Variants in TSPAN5 observed in about 807,000 individuals in gnomAD.
TSPAN5 encodes the protein tetraspanin 5.
TSPAN5 carries 10 observed loss-of-function variants against 37.1 expected under a neutral mutation model. The ratio of observed to expected loss-of-function variants is 0.27; its 90% confidence interval spans 0.17 to 0.46. The LOEUF (loss-of-function observed/expected upper bound fraction) is 0.46, where lower values mean the gene tolerates loss of function less well. TSPAN5 is among the 20% of genes least tolerant of loss of function. The probability of loss-of-function intolerance (pLI) is 1.00; values close to 1 mark genes in which losing one functional copy is unlikely to be tolerated. For missense variants in TSPAN5, 195 were observed against 326.6 expected (o/e 0.60, Z 3.11); for synonymous variants, 110 against 118.9 (o/e 0.93, Z 0.48).
At chr4:98,632,160 G>C (rs1052531519) in intron 1 of TSPAN5, among the ~76,000 whole-genome samples, 2 of 152,104 alleles carry the variant, frequency 1.3e-5, no homozygotes, top group Non-Finnish European at 2.9e-5. Context: ...CTGCCACCCT[G>C]TGTTCATTTT....
chr4:98,527,470 GTTC>G (rs1467938161), intron 1 of TSPAN5, among the ~76,000 whole-genome samples: 2 of 152,114 alleles, frequency 1.3e-5, no homozygotes, highest in Non-Finnish European at 2.9e-5. Context: ...TTCAGTGAAG[GTTC>G]TTATTTCTCA....
chr4:98,598,466 G>GC (rs1553916447), intron 1 of TSPAN5, among the ~76,000 whole-genome samples: 26 of 148,110 alleles, frequency 1.8e-4, no homozygotes, highest in Non-Finnish European at 2.8e-4. Flanking sequence ...CCTCCCTCCT[G>GC]TTTTTTTTTT....
chr4:98,599,752 C>G (rs971976551), intron 1 of TSPAN5, among the ~76,000 whole-genome samples: 1 of 152,180 alleles, frequency 6.6e-6, no homozygotes, highest in Non-Finnish European at 1.5e-5. Context: ...TTGTATGTAT[C>G]TGTAAATTTG....
intron 2 of TSPAN5, among the ~76,000 whole-genome samples, chr4:98,502,488 G>A (rs886149690): frequency 8.5e-5 from 13 of 152,276 alleles, no homozygotes; most frequent in Admixed American, 7.2e-4. Context: ...TGAGGAAAAC[G>A]TTTCTCGAAT....
intron 1 of TSPAN5, among the ~76,000 whole-genome samples, chr4:98,646,988 A>T (rs1757083655): frequency 6.6e-6 from 1 of 152,162 alleles, no homozygotes; most frequent in Non-Finnish European, 1.5e-5. Context: ...GATGAAGGGG[A>T]GACTTAACTG....
intron 1 of TSPAN5, among the ~76,000 whole-genome samples, chr4:98,635,585 T>C (rs1756838445): frequency 6.6e-6 from 1 of 152,190 alleles, no homozygotes; most frequent in Non-Finnish European, 1.5e-5. Flanking sequence ...GATTTATCCT[T>C]TAGAAGACAA....
intron 1 of TSPAN5, among the ~76,000 whole-genome samples, chr4:98,616,221 T>C (rs1417195471): frequency 1.3e-5 from 2 of 152,044 alleles, no homozygotes; most frequent in Non-Finnish European, 2.9e-5. Flanking sequence ...TGCTTCCCTC[T>C]TGGAGATTAA....
intron 1 of TSPAN5, among the ~76,000 whole-genome samples, chr4:98,551,574 C>A (rs1754618608): frequency 6.7e-6 from 1 of 149,340 alleles, no homozygotes; most frequent in Admixed American, 6.7e-5. Flanking sequence ...TCACTGCAAC[C>A]TCCGCCTCCC....
intron 2 of TSPAN5, among the ~76,000 whole-genome samples, chr4:98,499,651 C>T (rs938661689): frequency 1.3e-5 from 2 of 148,550 alleles, no homozygotes; most frequent in Admixed American, 1.4e-4. Context: ...TGTTTGGTTT[C>T]CAGCTCTTTT....
At chr4:98,509,161 G>A (rs184219324) in intron 1 of TSPAN5, among the ~76,000 whole-genome samples, 3 of 152,174 alleles carry the variant, frequency 2.0e-5, no homozygotes, top group Non-Finnish European at 4.4e-5. Flanking sequence ...GTTTCAGTGT[G>A]ATGGCAGCAC....
At chr4:98,498,453 C>T (rs1329933011) in intron 2 of TSPAN5, among the ~76,000 whole-genome samples, 1 of 152,144 alleles carries the variant, frequency 6.6e-6, no homozygotes, top group Non-Finnish European at 1.5e-5. Context: ...TCTGATTTCA[C>T]TGATCACTAT....
intron 1 of TSPAN5, among the ~76,000 whole-genome samples, chr4:98,590,567 A>G (rs10033777): frequency 0.16 from 24,841 of 151,956 alleles, 2,660 homozygotes; most frequent in African/African-American, 0.31. Context: ...AAAATTAGCC[A>G]GGTGTGGTGG....
chr4:98,513,683 T>A (rs17498778), intron 1 of TSPAN5, among the ~76,000 whole-genome samples: 31,794 of 152,074 alleles, frequency 0.21, 3,474 homozygotes, highest in South Asian at 0.24. Flanking sequence ...CAGGTGCCAA[T>A]TTCATAACTA....
At chr4:98,481,797 A>T (rs1338592560) in intron 4 of TSPAN5, among the ~76,000 whole-genome samples, 1 of 152,244 alleles carries the variant, frequency 6.6e-6, no homozygotes, top group African/African-American at 2.4e-5. Flanking sequence ...ACAGAAGTTG[A>T]AACAAGTGAA....
chr4:98,658,090 A>G, intron 1 of TSPAN5, 56 bp downstream of exon 1: 1 of 1,483,090 alleles, frequency 6.7e-7, no homozygotes, highest in South Asian at 1.1e-5. Flanking sequence ...CGTGGGGGAA[A>G]TCGTCGCGAA....
chr4:98,635,038 T>A (rs10034419), intron 1 of TSPAN5, among the ~76,000 whole-genome samples: 73,480 of 152,006 alleles, frequency 0.48, 17,891 homozygotes, highest in Admixed American at 0.56. Context: ...GAGGCTGCCA[T>A]TTATAACAGG....
chr4:98,500,940 T>G (rs1018277431), intron 2 of TSPAN5, among the ~76,000 whole-genome samples: 2 of 152,118 alleles, frequency 1.3e-5, no homozygotes, highest in African/African-American at 4.8e-5. Context: ...GAACATTCAA[T>G]TCACACTAAG....
At chr4:98,497,884 C>T (rs1054084263) in intron 2 of TSPAN5, among the ~76,000 whole-genome samples, 25 of 152,208 alleles carry the variant, frequency 1.6e-4, no homozygotes, top group Non-Finnish European at 2.2e-4. Context: ...CAGGATCTGG[C>T]CCAGTGGGGC....
At chr4:98,617,701 A>C (rs1236494754) in intron 1 of TSPAN5, among the ~76,000 whole-genome samples, 1 of 152,170 alleles carries the variant, frequency 6.6e-6, no homozygotes, top group African/African-American at 2.4e-5. Context: ...TTGCAGGCCC[A>C]GTTTCCCACC....
Sources: gnomAD v4.1 joint callset for allele counts (sites outside exome capture counted in the v4.1 genomes callset) on GRCh38, gnomAD v4.1.1 for gene constraint, MANE v1.5 for transcripts, NCBI Gene and HGNC (gene_info 2026-07-23, HGNC 2026-07-21) for gene names.